S1PR5: variants seen among roughly 807,000 people sequenced by gnomAD.
The protein encoded by S1PR5 is sphingosine 1-phosphate receptor 5.
For missense variants in S1PR5, 583 were observed against 571.7 expected, an observed-to-expected ratio of 1.02 and a Z score of -0.20; for synonymous variants, 307 against 284.7, an observed-to-expected ratio of 1.08 and a Z score of -0.79.
Position 10,514,257 on chromosome 19 carries a change from G to T in S1PR5, c.755C>A (p.Thr252Lys). Residue 252 changes from threonine (T) to lysine (K), a missense_variant, in exon 2 of 2, where the codon ACG becomes AAG. By Grantham distance (78) the Thr-to-Lys change is moderately conservative. Coordinates refer to ENST00000333430, the MANE Select transcript of S1PR5 (RefSeq NM_030760.5). ...AAAGGCCAGGAGCACCACGCTGAGC[G>T]TGCGCAGCAAGGCCAGCGAGCGCGG... Reference protein sequence around the residue: ...RKPRSLALLRTLSVVLLAFVA... With the variant: ...RKPRSLALLRKLSVVLLAFVA... 6.3e-7 allele frequency: 1 copy of T among 1,593,316 alleles called. No individual in the cohort carries two copies. The highest frequency in any genetic ancestry group is 8.5e-7 in the Non-Finnish European group (1 of 1,170,620).
Position 10,514,265 on chromosome 19 carries a change from C to T in S1PR5, c.747G>A (p.Leu249=). 1.3e-6 allele frequency: 2 copies of T among 1,587,356 alleles called. No individual in the cohort carries two copies. Among genetic ancestry groups the T allele is most frequent in the Admixed American group, 1.8e-5 (1 of 54,440 alleles). Residue 249 remains leucine (L), a synonymous_variant, in exon 2 of 2, where the codon TTG becomes TTA. Coordinates refer to ENST00000333430, the MANE Select transcript of S1PR5 (RefSeq NM_030760.5). ...RARRKPRSLA[L]LRTLSVVLLA... ...GGAGCACCACGCTGAGCGTGCGCAG[C>T]AAGGCCAGCGAGCGCGGCTTGCGAC...
chr19:10,514,459 C>T lies in S1PR5; in HGVS notation c.553G>A (p.Val185Ile). ...TAGGCCTTGGCGTAGAGCGGCAAGA[C>T]AGTGGAGCAAGCGTCCAGGCGACCC... ...CLGRLDACST[V>I]LPLYAKAYVL... The change falls in exon 2 of 2, where the codon GTC becomes ATC. Residue 185 changes from valine (V) to isoleucine (I), a missense_variant. Val to Ile is a conservative substitution (Grantham distance 29). Transcript: ENST00000333430. 6.2e-7 allele frequency: 1 copy of T among 1,609,244 alleles called. No homozygotes were observed. The highest frequency in any genetic ancestry group is 8.5e-7 in the Non-Finnish European group (1 of 1,178,258).
rs1471702421 is a variant in S1PR5, at chr19:10,515,002, C to T, written c.10G>A (p.Gly4Arg). 6.4e-7 allele frequency: 1 copy of T among 1,561,818 alleles called. No individual in the cohort carries two copies. The highest frequency in any genetic ancestry group is 1.8e-5 in the Admixed American group (1 of 56,608). MESGLLRPAPVSEV... is the reference protein window; with the variant it reads MESRLLRPAPVSEV... ...CTCACCGGCGCCGGCCGCAGCAGCC[C>T]CGACTCCATGGGCCGCGCGCCCCAA... The change falls in exon 2 of 2, where the codon GGG becomes AGG. Residue 4 changes from glycine (G) to arginine (R), a missense_variant. Gly to Arg is a moderately radical substitution (Grantham distance 125). Transcript: ENST00000333430.
At chr19:10,517,522 G>A (rs930659875), upstream of S1PR5, 2 of 985,448 alleles carry the variant, frequency 2.0e-6, no homozygotes, top group Non-Finnish European at 2.4e-6. Context: ...AGGGCCGGCG[G>A]TCGCCAGCAG....
chr19:10,514,424 G>C lies in S1PR5; in HGVS notation c.588C>G (p.Phe196Leu). ...GGATGCCCACGAAGGCGAGCACGCA[G>C]AAGAGCACGTAGGCCTTGGCGTAGA... The part of the protein sequence containing the change: ...LPLYAKAYVL[F>L]CVLAFVGILA... Residue 196 changes from phenylalanine to leucine, a missense_variant, in exon 2 of 2, where the codon TTC becomes TTG. Physicochemically the swap from Phe to Leu is conservative, Grantham distance 22. Transcript: ENST00000333430. 6.2e-7 allele frequency: 1 copy of C among 1,609,774 alleles called. No individual in the cohort carries two copies. Among genetic ancestry groups the C allele is most frequent in the Non-Finnish European group, 8.5e-7 (1 of 1,178,478 alleles).
At chr19:10,516,257 G>T (rs1220522373) in intron 1 of S1PR5, among the ~76,000 whole-genome samples, 1 of 152,028 alleles carries the variant, frequency 6.6e-6, no homozygotes, top group Non-Finnish European at 1.5e-5. Flanking sequence ...TTGTCTCACT[G>T]CATACAAAGC....
intron 1 of S1PR5, 72 bp downstream of exon 1, chr19:10,517,326 T>C: frequency 1.0e-6 from 1 of 967,262 alleles, no homozygotes; most frequent in Non-Finnish European, 1.2e-6. Flanking sequence ...ACCGGGAAAG[T>C]GGCCGCCAGG....
chr19:10,515,549 G>C (rs1026842445), intron 1 of S1PR5, among the ~76,000 whole-genome samples: 1 of 152,056 alleles, frequency 6.6e-6, no homozygotes, highest in East Asian at 1.9e-4. Flanking sequence ...GGAGGCGGAG[G>C]TTGCAGTGAG....
rs772077279 is a variant in S1PR5, at chr19:10,514,267, A to G, written c.745T>C (p.Leu249=). ...RARRKPRSLA[L]LRTLSVVLLA... ...AGCACCACGCTGAGCGTGCGCAGCA[A>G]GGCCAGCGAGCGCGGCTTGCGACGC... The change falls in exon 2 of 2, where the codon TTG becomes CTG. Residue 249 remains leucine (L), a synonymous_variant. Coordinates refer to ENST00000333430, the MANE Select transcript of S1PR5 (RefSeq NM_030760.5). 1 of 1,585,412 alleles carries G rather than the reference A, an allele frequency of 6.3e-7. No individual in the cohort carries two copies. The highest frequency in any genetic ancestry group is 8.6e-7 in the Non-Finnish European group (1 of 1,166,490).
In S1PR5 at chr19:10,513,914, T is replaced by C. The variant is rs770749572; in HGVS notation, c.1098A>G (p.Ser366=). The stretch of plus-strand genomic sequence containing the variant: ...TGTCCAGCCCGTCGCGCTGGGGCGA[T>C]GAGCGCTCCGAGCCGCTGAAGCTCC... ...LDGSFSGSER[S]SPQRDGLDTS... is the part of the protein sequence containing the mutation. The change falls in exon 2 of 2, where the codon TCA becomes TCG. Residue 366 remains serine, a synonymous_variant. Coordinates refer to ENST00000333430, the MANE Select transcript of S1PR5 (RefSeq NM_030760.5). 1.1e-5 allele frequency: 17 copies of C among 1,607,698 alleles called. No individual in the cohort carries two copies. The highest frequency in any genetic ancestry group is 1.1e-5 in the South Asian group (1 of 90,802).
Position 10,514,096 on chromosome 19 carries a change from A to G in S1PR5, c.916T>C (p.Tyr306His), listed in dbSNP as rs2144651251. ...CGCAGGTCGCGGTTGGTGAGCGTGT[A>G]GATGATGGGGTTCAGAAGTGAGTTG... ...MANSLLNPIIYTLTNRDLRHA... is the reference protein window; with the variant it reads ...MANSLLNPIIHTLTNRDLRHA... The change falls in exon 2 of 2, where the codon TAC becomes CAC. Residue 306 changes from tyrosine to histidine, a missense_variant. Transcript: ENST00000333430. 1 of 1,612,934 alleles carries G rather than the reference A, an allele frequency of 6.2e-7. No homozygotes were observed. Among genetic ancestry groups the G allele is most frequent in the Non-Finnish European group, 8.5e-7 (1 of 1,179,828 alleles).
At position 10,513,966 on chromosome 19, in the gene S1PR5, C is replaced by T; in HGVS notation, c.1046G>A (p.Arg349His). 1 of 1,598,540 alleles carries T rather than the reference C, an allele frequency of 6.3e-7. No individual in the cohort carries two copies. The highest frequency in any genetic ancestry group is 8.5e-7 in the Non-Finnish European group (1 of 1,173,930). The change falls in exon 2 of 2, where the codon CGC becomes CAC. Residue 349 changes from arginine to histidine, a missense_variant. Physicochemically the swap from Arg to His is conservative, Grantham distance 29 (BLOSUM62 0). Coordinates refer to ENST00000333430, the MANE Select transcript of S1PR5 (RefSeq NM_030760.5). ...ASAAEASGGLRRCLPPGLDGS... is the reference protein window; with the variant it reads ...ASAAEASGGLHRCLPPGLDGS... ...ATCAAGGCCCGGGGGCAGGCAGCGG[C>T]GCAGGCCCCCGGAAGCCTCAGCCGC...
At position 10,514,395 on chromosome 19, in the gene S1PR5, G is replaced by A. The variant is rs1180170102; in HGVS notation, c.617C>T (p.Ala206Val). 1 of 1,606,064 alleles carries A rather than the reference G, an allele frequency of 6.2e-7. No individual in the cohort carries two copies. The highest frequency in any genetic ancestry group is 1.7e-5 in the Admixed American group (1 of 58,722). ...GCGCGCGTAGAGTGCACAGATAGCG[G>A]CCAGGATGCCCACGAAGGCGAGCAC... ...FCVLAFVGIL[A>V]AICALYARIY... The change falls in exon 2 of 2, where the codon GCC becomes GTC. Residue 206 changes from alanine (A) to valine (V), a missense_variant. Ala to Val is a moderately conservative substitution (Grantham distance 64, BLOSUM62 0). Coordinates refer to ENST00000333430, the MANE Select transcript of S1PR5 (RefSeq NM_030760.5).
intron 1 of S1PR5, 165 bp downstream of exon 1, chr19:10,517,232 TG>T: frequency 9.4e-6 from 3 of 318,446 alleles, no homozygotes; most frequent in Non-Finnish European, 1.4e-5. Context: ...TGCACCCAGC[TG>T]GGGAGCCCCC....
intron 1 of S1PR5, among the ~76,000 whole-genome samples, chr19:10,515,394 G>T (rs1045713501): frequency 1.3e-5 from 2 of 152,074 alleles, no homozygotes; most frequent in African/African-American, 4.8e-5. Flanking sequence ...GGCAGATCAC[G>T]AGGTCAGGAG....
At chr19:10,515,155 G>T in intron 1 of S1PR5, 126 bp from the exon 2 acceptor site, 1 of 1,262,864 alleles carries the variant, frequency 7.9e-7, no homozygotes. Context: ...TGTCCAAGGG[G>T]GAGTTCAGGA....
intron 1 of S1PR5, 80 bp downstream of exon 1, chr19:10,517,318 C>A (rs984432404): frequency 8.3e-6 from 8 of 960,218 alleles, no homozygotes; most frequent in African/African-American, 7.0e-5. Context: ...CTTTTTAGAC[C>A]GGGAAAGTGG....
chr19:10,514,916 C>G lies in S1PR5; in HGVS notation c.96G>C (p.Pro32=). Residue 32 remains proline (P), a synonymous_variant, in exon 2 of 2, where the codon CCG becomes CCC. Coordinates refer to ENST00000333430, the MANE Select transcript of S1PR5 (RefSeq NM_030760.5). ...TGKLRGARYQ[P]GAGLRADAVV... ...CGGCGTCGGCGCGCAGGCCGGCACC[C>G]GGCTGGTAGCGCGCACCGCGGAGCT... is the stretch of plus-strand genomic sequence containing the variant. 1 of 1,610,138 alleles carries G rather than the reference C, an allele frequency of 6.2e-7. No individual in the cohort carries two copies. The highest frequency in any genetic ancestry group is 8.5e-7 in the Non-Finnish European group (1 of 1,178,832).
At position 10,515,215 on chromosome 19, in the gene S1PR5, A is replaced by G. The variant is rs572710982; in HGVS notation, c.-18-186T>C. Among the ~76,000 whole-genome samples, 7 of 152,280 alleles carry G rather than the reference A, an allele frequency of 4.6e-5. 1 individual carries two copies. The South Asian group carries it at 1.5e-3, about 32-fold the overall frequency. ...AGACATACACACAAATAATATCACG[A>G]GGGAACAAGGTGACATAGTCCCAAA... On this transcript the variant is annotated intron_variant, in intron 1 of 1. Transcript: ENST00000333430.
Sources: allele counts gnomAD v4.1 joint callset (sites outside exome capture counted in the v4.1 genomes callset), GRCh38; gene constraint gnomAD v4.1.1; transcripts MANE v1.5; gene names NCBI Gene and HGNC (gene_info 2026-07-23, HGNC 2026-07-21).